Variants in PUM1 observed in about 807,000 individuals in gnomAD.
PUM1 encodes pumilio RNA binding family member 1, also known as pumilio homolog 1.
In PUM1, 13 loss-of-function variants were observed where a neutral mutation model predicts 131.8. The observed-to-expected ratio is 0.10, with a 90% CI of 0.06 to 0.16. PUM1 has a LOEUF of 0.16. Ranked by LOEUF, PUM1 falls within the 10% of genes least tolerant of loss-of-function variation. The pLI, the probability that PUM1 is intolerant of heterozygous loss-of-function variation, is 1.00. For missense variants in PUM1, 961 were observed against 1,512.4 expected (o/e 0.64, Z 6.05); for synonymous variants, 509 against 556.5 (o/e 0.91, Z 1.20).
In PUM1 at chr1:30,979,262, C is replaced by G. The variant is rs535756903; in HGVS notation, c.1354+800G>C. Among the ~76,000 whole-genome samples, 137 of 152,222 alleles carry G rather than the reference C, an allele frequency of 9.0e-4. 1 individual carries two copies. The highest frequency in any genetic ancestry group is 3.4e-3 in the Middle Eastern group (1 of 294). On this transcript the variant is annotated intron_variant, in intron 9 of 21. Coordinates refer to ENST00000426105, the MANE Select transcript of PUM1 (RefSeq NM_001020658.2). The stretch of plus-strand genomic sequence containing the variant: ...GGAAAAAGAGCTTACTACAGAAGAC[C>G]ACAGTGACCAAAGACAGGGGCCTAA...
chr1:30,942,942 G>C (rs556756838), intron 18 of PUM1, among the ~76,000 whole-genome samples: 17 of 151,940 alleles, frequency 1.1e-4, no homozygotes, highest in African/African-American at 4.1e-4. Flanking sequence ...TGTGTGTAGA[G>C]ACGGAGATTC....
chr1:30,933,130 A>G lies in PUM1; in HGVS notation c.*81T>C. The G allele has an allele frequency of 6.6e-7, 1 of 1,515,362 alleles. No homozygotes were observed. Among genetic ancestry groups the G allele is most frequent in the Non-Finnish European group, 8.9e-7 (1 of 1,122,250 alleles). The allele number at this position is 1,515,362 out of a possible 1,614,324, so 93.9% of individuals were successfully genotyped here. ...ACTTGCCCGTCTCAGACTCTACACT[A>G]GAACATTTCTGGTTGCTGGTTGGAT... On this transcript the variant is annotated 3_prime_UTR_variant, in exon 22 of 22. Transcript: ENST00000426105.
chr1:30,949,802 G>GA lies in PUM1; in HGVS notation c.2856+324dup, dbSNP rs564167231. On this transcript the variant is annotated intron_variant, in intron 17 of 21. Transcript: ENST00000426105. ...TGGAAGGTGGGTTGGATGAAAGTTT[G>GA]ACTTGTTGGAGAAAATGATGGCTTA... Among the ~76,000 whole-genome samples, 22 of 152,240 alleles carry GA rather than the reference G, an allele frequency of 1.4e-4. No individual in the cohort carries two copies. The South Asian group carries it at 4.1e-3, about 29-fold the overall frequency.
At position 30,964,982 on chromosome 1, in the gene PUM1, C is replaced by T. The variant is rs186701291; in HGVS notation, c.2087-72G>A. ...GAAGAACAAGCCCAGTGACCTGTTC[C>T]TAACACTTTGATCCAGACTCCTTAC... On this transcript the variant is annotated intron_variant, in intron 13 of 21. Transcript: ENST00000426105. 3,180 of 1,300,634 alleles carry T rather than the reference C, an allele frequency of 2.4e-3. 19 individuals carry two copies. The highest frequency in any genetic ancestry group is 0.011 in the South Asian group (906 of 79,458). 80.6% of individuals were successfully genotyped at this position (1,300,634 alleles called of 1,614,324 possible). A position where few individuals can be genotyped will look rare whatever the true frequency, so the allele number is the denominator to read the frequency against.
chr1:31,031,478 G>A (rs1028175245), intron 2 of PUM1, among the ~76,000 whole-genome samples: 1 of 152,130 alleles, frequency 6.6e-6, no homozygotes, highest in South Asian at 2.1e-4. Flanking sequence ...TCCAAGAAAT[G>A]CCTTCTCCAA....
At position 31,023,659 on chromosome 1, in the gene PUM1, G is replaced by C. The variant is rs12137792; in HGVS notation, c.432+5137C>G. ...TAAAGAACCCAACGAAGCCAGGCGC[G>C]GTGGCTCATGCCTGTAATTCCAGCA... On this transcript the variant is annotated intron_variant, in intron 3 of 21. Transcript: ENST00000426105. 8.1e-3 allele frequency among the ~76,000 whole-genome samples: 1,226 copies of C among 152,200 alleles called. 5 individuals are homozygous for C. Among genetic ancestry groups the C allele is most frequent in the Non-Finnish European group, 0.014 (922 of 68,014 alleles).
At chr1:31,021,763 C>T (rs900945851) in intron 3 of PUM1, among the ~76,000 whole-genome samples, 1 of 152,062 alleles carries the variant, frequency 6.6e-6, no homozygotes, top group African/African-American at 2.4e-5. Flanking sequence ...CCCTTCACAG[C>T]TTCTAATGGG....
intron 3 of PUM1, among the ~76,000 whole-genome samples, chr1:31,019,115 G>A (rs1557588852): frequency 6.6e-6 from 1 of 152,174 alleles, no homozygotes; most frequent in Non-Finnish European, 1.5e-5. Context: ...CTCTTTGGGA[G>A]GCTGAGGCGA....
chr1:30,969,332 A>AAAAAAAAAAAAAAAAAAG (rs1557560979), intron 10 of PUM1, among the ~76,000 whole-genome samples: 4 of 135,192 alleles, frequency 3.0e-5, no homozygotes, highest in Non-Finnish European at 4.8e-5. Context: ...AAAAAAAAAA[A>AAAAAAAAAAAAAAAAAAG]AAAAGAAAAA....
intron 3 of PUM1, among the ~76,000 whole-genome samples, chr1:31,013,845 A>G (rs1030851163): frequency 6.6e-6 from 1 of 152,264 alleles, no homozygotes; most frequent in African/African-American, 2.4e-5. Flanking sequence ...GTGAGATAGT[A>G]TATGAAGTGC....
chr1:31,043,208 T>C (rs1316870803), intron 2 of PUM1, among the ~76,000 whole-genome samples: 1 of 138,612 alleles, frequency 7.2e-6, no homozygotes, highest in Non-Finnish European at 1.5e-5. Flanking sequence ...TTAAAGAACA[T>C]TTCCTTTTTT....
Position 30,966,016 on chromosome 1 carries a change from G to A in PUM1, c.2052C>T (p.Thr684=). ...CAAACCCTCCAAGGGCGGATCCCAGGGTGGCGCCGAGAGAACTGCTACTTC... is the reference window on the plus strand; with the variant it reads ...CAAACCCTCCAAGGGCGGATCCCAGAGTGGCGCCGAGAGAACTGCTACTTC... The part of the protein sequence containing the change: ...GFGSSSSLGA[T]LGSALGGFGT... The change falls in exon 13 of 22, where the codon ACC becomes ACT. Residue 684 remains threonine, a synonymous_variant. Transcript: ENST00000426105. 1 of 1,614,140 alleles carries A rather than the reference G, an allele frequency of 6.2e-7. No individual in the cohort carries two copies. The highest frequency in any genetic ancestry group is 1.1e-5 in the South Asian group (1 of 91,074).
chr1:31,015,900 T>C (rs1642800135), intron 3 of PUM1, among the ~76,000 whole-genome samples: 2 of 152,042 alleles, frequency 1.3e-5, no homozygotes, highest in South Asian at 4.2e-4. Context: ...CTTGAACTCC[T>C]GACCTCAGGT....
Position 31,027,275 on chromosome 1 carries a change from T to C in PUM1, c.432+1521A>G, listed in dbSNP as rs1346065725. Among the ~76,000 whole-genome samples, 3 of 152,188 alleles carry C rather than the reference T, an allele frequency of 2.0e-5. No individual in the cohort carries two copies. The East Asian group carries it at 5.8e-4, about 29-fold the overall frequency. On this transcript the variant is annotated intron_variant, in intron 3 of 21. Coordinates refer to ENST00000426105, the MANE Select transcript of PUM1 (RefSeq NM_001020658.2). ...ACATAGTGAGACTCTGTCTCTATTT[T>C]TATAAAAAATTCAAAAAAGAAAGAA... is the stretch of plus-strand genomic sequence containing the variant.
intron 15 of PUM1, among the ~76,000 whole-genome samples, chr1:30,952,687 G>GC (rs1557551032): frequency 3.4e-5 from 3 of 89,370 alleles, no homozygotes; most frequent in African/African-American, 1.1e-4. Flanking sequence ...GGGGGGCGGG[G>GC]GGGGGGCGGG....
At chr1:31,011,804 C>A (rs1179329731) in intron 3 of PUM1, among the ~76,000 whole-genome samples, 1 of 151,904 alleles carries the variant, frequency 6.6e-6, no homozygotes, top group Non-Finnish European at 1.5e-5. Flanking sequence ...TTTGACAAGG[C>A]GAAAAGTAAC....
At chr1:31,035,229 T>C (rs960078827) in intron 2 of PUM1, among the ~76,000 whole-genome samples, 5 of 151,844 alleles carry the variant, frequency 3.3e-5, no homozygotes, top group Admixed American at 2.0e-4. Context: ...CCTGTCTCTA[T>C]TAAAAATATG....
At chr1:31,038,984 A>ATATATATATATATATTTTTTTTTT in intron 2 of PUM1, among the ~76,000 whole-genome samples, 6 of 49,418 alleles carry the variant, frequency 1.2e-4, no homozygotes, top group South Asian at 8.2e-4. Context: ...ATATATATAT[A>ATATATATATATATATTTTTTTTTT]TTTTTTTTTT....
chr1:30,978,813 CAT>C (rs1641243163), intron 9 of PUM1, among the ~76,000 whole-genome samples: 1 of 152,092 alleles, frequency 6.6e-6, no homozygotes, highest in South Asian at 2.1e-4. Context: ...AAAAAACACT[CAT>C]AGGCTGGGCA....
Sources: gnomAD v4.1 joint callset for allele counts (sites outside exome capture counted in the v4.1 genomes callset) on GRCh38, gnomAD v4.1.1 for gene constraint, MANE v1.5 for transcripts, NCBI Gene and HGNC (gene_info 2026-07-23, HGNC 2026-07-21) for gene names.